Variants in JPH3 observed in about 807,000 individuals in gnomAD.
The protein encoded by JPH3 is junctophilin 3, also known as junctophilin-3.
A neutral mutation model predicts 59.6 loss-of-function variants in JPH3; 11 were observed. The observed-to-expected ratio is 0.18, with a 90% CI of 0.12 to 0.31. The LOEUF (loss-of-function observed/expected upper bound fraction) is 0.31, where lower values mean the gene tolerates loss of function less well. Among genes scored for constraint, JPH3 ranks in the 10% least tolerant of loss-of-function variants. The pLI is 1.00. For missense variants in JPH3, 1,202 were observed against 1,105.7 expected, an observed-to-expected ratio of 1.09 and a Z score of -1.24; for synonymous variants, 673 against 483.6, an observed-to-expected ratio of 1.39 and a Z score of -5.14.
At chr16:87,674,812 A>G (rs1320751442) in intron 2 of JPH3, among the ~76,000 whole-genome samples, 6 of 152,166 alleles carry the variant, frequency 3.9e-5, no homozygotes, top group Admixed American at 1.3e-4. Flanking sequence ...CCAGGCTGGA[A>G]TGCAGTGGCG....
chr16:87,690,181 G>A lies in JPH3; in HGVS notation c.1821G>A (p.Lys607=), dbSNP rs1450581574. 2 of 1,600,862 alleles carry A rather than the reference G, an allele frequency of 1.2e-6. No individual in the cohort carries two copies. Among genetic ancestry groups the A allele is most frequent in the Non-Finnish European group, 1.7e-6 (2 of 1,174,208 alleles). Residue 607 remains lysine, a synonymous_variant, in exon 4 of 5, where the codon AAG becomes AAA. Transcript: ENST00000284262. ...GGCTGCTGGAGCTGCAGGAGGAGAA[G>A]CTGAGCAACTACCGGATGGAGATGA... The part of the protein sequence containing the change: ...GSRLLELQEE[K]LSNYRMEMKP...
chr16:87,696,325 ACAAGGGAATTC>A (rs1034007721), intron 4 of JPH3, among the ~76,000 whole-genome samples: 28 of 152,156 alleles, frequency 1.8e-4, no homozygotes, highest in South Asian at 1.5e-3. Context: ...TGTCGGGGCC[ACAAGGGAATTC>A]CAAGGGAATT....
At chr16:87,682,169 C>A (rs941352677) in intron 2 of JPH3, among the ~76,000 whole-genome samples, 4 of 152,130 alleles carry the variant, frequency 2.6e-5, no homozygotes, top group Non-Finnish European at 4.4e-5. Context: ...TTCCTGGACA[C>A]GTGTTCTTGG....
chr16:87,610,531 G>A (rs114778541), intron 1 of JPH3, among the ~76,000 whole-genome samples: 563 of 152,176 alleles, frequency 3.7e-3, no homozygotes, highest in African/African-American at 0.013. Context: ...AAGTAAATGC[G>A]GTAGTATTTG....
At chr16:87,650,297 A>G (rs1054936160) in intron 2 of JPH3, among the ~76,000 whole-genome samples, 1 of 152,324 alleles carries the variant, frequency 6.6e-6, no homozygotes, top group South Asian at 2.1e-4. Flanking sequence ...GGGATGCCAC[A>G]CATCGCACCC....
chr16:87,695,675 C>T (rs548317569), intron 4 of JPH3: 60 of 455,840 alleles, frequency 1.3e-4, no homozygotes, highest in Non-Finnish European at 2.4e-4. Flanking sequence ...ATCTGTAGGG[C>T]AGCACCCACC....
At chr16:87,684,382 A>G in intron 3 of JPH3, 116 bp downstream of exon 3, 1 of 1,451,652 alleles carries the variant, frequency 6.9e-7, no homozygotes, top group South Asian at 1.4e-5. Flanking sequence ...GCTCAGCCCC[A>G]GCTGCTCCCC....
upstream of JPH3, among the ~76,000 whole-genome samples, chr16:87,602,419 C>CGGGGGCGGGGGCGGGGGCGGGGGGCG (rs1389340190): frequency 4.6e-4 from 2 of 4,336 alleles, no homozygotes; most frequent in Non-Finnish European, 1.1e-3. Flanking sequence ...GCTCCGGGGG[C>CGGGGGCGGGGGCGGGGGCGGGGGGCG]GGGGGCGGGG....
At chr16:87,633,436 G>A (rs2031628797) in intron 1 of JPH3, among the ~76,000 whole-genome samples, 1 of 151,482 alleles carries the variant, frequency 6.6e-6, no homozygotes, top group Admixed American at 6.6e-5. Flanking sequence ...TAAGCCCATA[G>A]TGAATTCCGG....
chr16:87,697,363 C>T lies in JPH3; in HGVS notation c.*703C>T, dbSNP rs2033924396. 1.3e-5 allele frequency: 2 copies of T among 152,468 alleles called. No homozygotes were observed. Among genetic ancestry groups the T allele is most frequent in the South Asian group, 2.1e-4 (1 of 4,836 alleles). 9.4% of individuals were successfully genotyped at this position (152,468 alleles called of 1,614,324 possible). ...AAGCAAAGCCCTTTTCTTCTGCTGC[C>T]CACTCACTGTGGGTCCCATTCGGCT... On this transcript the variant is annotated 3_prime_UTR_variant, in exon 5 of 5. Transcript: ENST00000284262.
intron 1 of JPH3, among the ~76,000 whole-genome samples, chr16:87,635,879 C>T (rs961495843): frequency 2.0e-5 from 3 of 152,240 alleles, no homozygotes; most frequent in African/African-American, 7.2e-5. Flanking sequence ...CCGACATCCA[C>T]TGCAGCCACA....
intron 2 of JPH3, among the ~76,000 whole-genome samples, chr16:87,660,467 G>A (rs184516666): frequency 3.9e-5 from 6 of 152,110 alleles, no homozygotes; most frequent in Non-Finnish European, 5.9e-5. Context: ...ATTCGGTTCC[G>A]TGCTCCCCTT....
intron 1 of JPH3, 137 bp from the exon 2 acceptor site, chr16:87,644,121 C>A: frequency 2.2e-6 from 2 of 918,466 alleles, no homozygotes; most frequent in East Asian, 2.6e-5. Context: ...CTGGGCAACA[C>A]AGCGAGAACC....
At chr16:87,668,678 C>T (rs2032937533) in intron 2 of JPH3, among the ~76,000 whole-genome samples, 1 of 152,164 alleles carries the variant, frequency 6.6e-6, no homozygotes, top group South Asian at 2.1e-4. Flanking sequence ...GGAGTCTGGC[C>T]AGATACCTCA....
Position 87,611,022 on chromosome 16 carries a change from C to T in JPH3, c.382+7494C>T, listed in dbSNP as rs576460103. 1.1e-3 allele frequency among the ~76,000 whole-genome samples: 163 copies of T among 152,340 alleles called. No individual in the cohort carries two copies. The highest frequency in any genetic ancestry group is 3.8e-3 in the African/African-American group (160 of 41,574). ...TTCAAGGCACAAAGACAGAAAAGCT[C>T]AGGTCCAACCTCAGTGAATCAGCCT... On this transcript the variant is annotated intron_variant, in intron 1 of 4. Transcript: ENST00000284262. The surrounding 1 kb of genome is among the most constrained non-coding windows in gnomAD (Gnocchi z 4.5).
rs374035163 is a variant in JPH3, at chr16:87,604,472, C to A, written c.382+944C>A. The A allele has an allele frequency of 2.9e-6, 4 of 1,358,684 alleles. No individual in the cohort carries two copies. In the African/African-American group the frequency reaches 4.4e-5, roughly 15 times the overall value. 84.2% of individuals were successfully genotyped at this position (1,358,684 alleles called of 1,614,324 possible). ...GCCAGACCCCAAACAAACTGGCTTCCCCGACCAGTCCACTCCCATGTGGGA... is the reference window on the plus strand; with the variant it reads ...GCCAGACCCCAAACAAACTGGCTTCACCGACCAGTCCACTCCCATGTGGGA... On this transcript the variant is annotated intron_variant, in intron 1 of 4. Transcript: ENST00000284262.
At chr16:87,653,312 G>T (rs1316216777) in intron 2 of JPH3, among the ~76,000 whole-genome samples, 1 of 152,194 alleles carries the variant, frequency 6.6e-6, no homozygotes, top group Non-Finnish European at 1.5e-5. Context: ...TGTGAGCTGT[G>T]CCTTGGGGCC....
chr16:87,619,689 G>C (rs1044780725), intron 1 of JPH3, among the ~76,000 whole-genome samples: 1 of 152,226 alleles, frequency 6.6e-6, no homozygotes, highest in Non-Finnish European at 1.5e-5. Context: ...AGTCTGGGGG[G>C]ATGTTGGGCC....
At chr16:87,632,700 C>T (rs1489144752) in intron 1 of JPH3, among the ~76,000 whole-genome samples, 1 of 152,208 alleles carries the variant, frequency 6.6e-6, no homozygotes, top group African/African-American at 2.4e-5. Context: ...CGACACCAGC[C>T]TAGCCAACAT....
Sources: gnomAD v4.1 joint callset for allele counts (sites outside exome capture counted in the v4.1 genomes callset) on GRCh38, gnomAD v4.1.1 for gene constraint, Gnocchi (gnomAD v3.1) non-coding constraint, MANE v1.5 for transcripts, NCBI Gene and HGNC (gene_info 2026-07-23, HGNC 2026-07-21) for gene names.